Variants in MAGI2 observed in about 807,000 individuals in gnomAD.
MAGI2 encodes membrane associated guanylate kinase, WW and PDZ domain containing 2, also known as membrane-associated guanylate kinase, WW and PDZ domain-containing protein 2.
In MAGI2, 35 loss-of-function variants were observed where a neutral mutation model predicts 133.3. That is an observed-to-expected ratio of 0.26 (90% CI 0.20 to 0.35). The LOEUF is 0.35. Ranked by LOEUF, MAGI2 falls within the 10% of genes least tolerant of loss-of-function variation. MAGI2 has a pLI of 1.00. For synonymous variants in MAGI2, 729 were observed against 710.6 expected (o/e 1.03, Z -0.41); for missense variants, 1,636 against 1,863.4 (o/e 0.88, Z 2.25).
intron 1 of MAGI2, among the ~76,000 whole-genome samples, chr7:79,139,186 C>T (rs554442386): frequency 1.3e-5 from 2 of 152,222 alleles, no homozygotes; most frequent in South Asian, 4.2e-4. Context: ...ACCACCCAGT[C>T]TGTGCTCTTT....
At chr7:78,957,125 G>A (rs571390505) in intron 2 of MAGI2, among the ~76,000 whole-genome samples, 3 of 151,806 alleles carry the variant, frequency 2.0e-5, no homozygotes, top group Admixed American at 6.6e-5. Flanking sequence ...TTAGTCGGGC[G>A]AGGTGGTGGT....
At chr7:79,033,108 A>G (rs947411730) in intron 1 of MAGI2, among the ~76,000 whole-genome samples, 2 of 152,066 alleles carry the variant, frequency 1.3e-5, no homozygotes, top group Non-Finnish European at 2.9e-5. Context: ...TGTTCTATCT[A>G]TGGAACTCTT....
intron 9 of MAGI2, among the ~76,000 whole-genome samples, chr7:78,327,754 A>G (rs1000416800): frequency 1.3e-5 from 2 of 152,186 alleles, no homozygotes; most frequent in African/African-American, 4.8e-5. Flanking sequence ...TTGATAATAG[A>G]TGGGAATACT....
At chr7:78,277,820 G>A (rs1439184643) in intron 9 of MAGI2, among the ~76,000 whole-genome samples, 1 of 152,142 alleles carries the variant, frequency 6.6e-6, no homozygotes, top group Non-Finnish European at 1.5e-5. Context: ...CAAGTAGTGA[G>A]ACTATAGATG....
chr7:79,299,945 C>T (rs1837266159), intron 1 of MAGI2, among the ~76,000 whole-genome samples: 1 of 152,142 alleles, frequency 6.6e-6, no homozygotes, highest in Non-Finnish European at 1.5e-5. Context: ...TCCCCCTTGC[C>T]TTCCACAATG....
chr7:79,242,527 G>T (rs1210136092), intron 1 of MAGI2, among the ~76,000 whole-genome samples: 2 of 152,030 alleles, frequency 1.3e-5, no homozygotes, highest in Middle Eastern at 3.2e-3. Context: ...CTACTTTAGA[G>T]TTTCTACTCT....
chr7:78,765,244 G>A (rs10242552), intron 2 of MAGI2, among the ~76,000 whole-genome samples: 66,817 of 151,196 alleles, frequency 0.44, 14,949 homozygotes, highest in Non-Finnish European at 0.48. Flanking sequence ...ATTGCTCTTT[G>A]TTGAGCCAGG....
intron 21 of MAGI2, 35 bp from the exon 22 acceptor site, chr7:78,020,011 C>T (rs1342976917): frequency 2.2e-5 from 34 of 1,553,940 alleles, no homozygotes; most frequent in Non-Finnish European, 2.8e-5. Flanking sequence ...AGCAGTGGCG[C>T]ACGCAGGACG....
At chr7:78,405,377 A>G (rs1797279013) in intron 6 of MAGI2, among the ~76,000 whole-genome samples, 1 of 152,124 alleles carries the variant, frequency 6.6e-6, no homozygotes, top group Non-Finnish European at 1.5e-5. Context: ...GATTTGAATG[A>G]TAGTGTCCTG....
intron 2 of MAGI2, among the ~76,000 whole-genome samples, chr7:78,786,468 T>C (rs1013312905): frequency 6.6e-6 from 1 of 152,186 alleles, no homozygotes; most frequent in South Asian, 2.1e-4. Context: ...ATATGAGGCC[T>C]TTCAACATTT....
chr7:79,007,333 C>T lies in MAGI2; in HGVS notation c.302-127G>A, dbSNP rs1807560925. 5 of 587,592 alleles carry T rather than the reference C, an allele frequency of 8.5e-6. 1 individual carries two copies. The South Asian group carries it at 1.1e-4, about 13-fold the overall frequency. The allele number at this position is 587,592 out of a possible 1,614,324, so 36.4% of individuals were successfully genotyped here. On this transcript the variant is annotated intron_variant, in intron 1 of 21. Coordinates refer to ENST00000354212, the MANE Select transcript of MAGI2 (RefSeq NM_012301.4). ...CATTATTTCAAAGTGTTCTTTTGAT[C>T]TTCTCAAACATTTACTGCCACAATG...
At chr7:78,283,499 A>G (rs902726670) in intron 9 of MAGI2, among the ~76,000 whole-genome samples, 2 of 152,138 alleles carry the variant, frequency 1.3e-5, no homozygotes, top group Non-Finnish European at 2.9e-5. Context: ...AAATATACCT[A>G]ATAAATTACG....
At chr7:78,458,169 C>G (rs1013094510) in intron 6 of MAGI2, among the ~76,000 whole-genome samples, 14 of 151,608 alleles carry the variant, frequency 9.2e-5, no homozygotes, top group Non-Finnish European at 1.8e-4. Context: ...GGTGGCACAC[C>G]CCTGTAATCC....
chr7:78,447,748 C>A (rs138212680), intron 6 of MAGI2, among the ~76,000 whole-genome samples: 26 of 152,296 alleles, frequency 1.7e-4, no homozygotes, highest in African/African-American at 6.0e-4. Context: ...AAAGCTTTTG[C>A]CATTCTGGCA....
chr7:78,866,461 C>T (rs988656747), intron 2 of MAGI2, among the ~76,000 whole-genome samples: 7 of 152,012 alleles, frequency 4.6e-5, no homozygotes, highest in African/African-American at 1.7e-4. Flanking sequence ...TATTTCTTCT[C>T]TCATGTGAAA....
chr7:79,363,464 C>A (rs1283713820), intron 1 of MAGI2, among the ~76,000 whole-genome samples: 2 of 150,366 alleles, frequency 1.3e-5, no homozygotes, highest in African/African-American at 4.9e-5. Context: ...AAAAAAAAAT[C>A]TATTCTAAAG....
intron 1 of MAGI2, among the ~76,000 whole-genome samples, chr7:79,377,587 T>A (rs528325282): frequency 6.6e-6 from 1 of 151,756 alleles, no homozygotes; most frequent in Non-Finnish European, 1.5e-5. Context: ...AGCAGTTACA[T>A]GATGAAGTGA....
intron 21 of MAGI2, among the ~76,000 whole-genome samples, chr7:78,041,556 T>C (rs896229568): frequency 2.0e-5 from 3 of 152,142 alleles, no homozygotes; most frequent in Non-Finnish European, 4.4e-5. Context: ...GTGCTTGTAC[T>C]CCTAGCTACT....
chr7:78,962,759 T>G (rs780599296), intron 2 of MAGI2, among the ~76,000 whole-genome samples: 12 of 152,162 alleles, frequency 7.9e-5, no homozygotes, highest in African/African-American at 1.4e-4. Flanking sequence ...ATATATAGCT[T>G]AAAAATTATA....
Sources: gnomAD v4.1 joint callset for allele counts (sites outside exome capture counted in the v4.1 genomes callset) on GRCh38, gnomAD v4.1.1 for gene constraint, MANE v1.5 for transcripts, NCBI Gene and HGNC (gene_info 2026-07-23, HGNC 2026-07-21) for gene names.